ZFAND3: variants seen among roughly 807,000 people sequenced by gnomAD.
ZFAND3 encodes zinc finger AN1-type containing 3, also known as AN1-type zinc finger protein 3.
ZFAND3 carries 10 observed loss-of-function variants against 29.6 expected under a neutral mutation model. The observed-to-expected ratio is 0.34, with a 90% confidence interval of 0.21 to 0.57. ZFAND3 has a LOEUF of 0.57. Among genes scored for constraint, ZFAND3 ranks in the 20% least tolerant of loss-of-function variants. ZFAND3 has a pLI of 0.86. For missense variants in ZFAND3, 230 were observed against 304.5 expected (o/e 0.76, Z 1.82); for synonymous variants, 128 against 112.6 (o/e 1.14, Z -0.87).
chr6:37,965,384 A>G (rs949028158), intron 2 of ZFAND3, among the ~76,000 whole-genome samples: 1 of 152,176 alleles, frequency 6.6e-6, no homozygotes, highest in Non-Finnish European at 1.5e-5. Context: ...GGATGTCAGA[A>G]TATATATGCG....
intron 2 of ZFAND3, among the ~76,000 whole-genome samples, chr6:38,031,567 G>T (rs1323524696): frequency 2.0e-5 from 3 of 152,128 alleles, no homozygotes; most frequent in South Asian, 4.1e-4. Flanking sequence ...AGACTTTGGA[G>T]TCCAGTAGAC....
At position 37,881,039 on chromosome 6, in the gene ZFAND3, G is replaced by A. The variant is rs77088926; in HGVS notation, c.72-48920G>A. On this transcript the variant is annotated intron_variant, in intron 1 of 5. Transcript: ENST00000287218. ...AAAAAAAAAATACTCTTCAAGGGAA[G>A]GCTGATTATGATAGTCTTTATTTTT... 2.0e-4 allele frequency among the ~76,000 whole-genome samples: 30 copies of A among 151,886 alleles called. No individual in the cohort carries two copies. The East Asian group carries it at 5.6e-3, about 28-fold the overall frequency.
At chr6:37,915,127 C>CT (rs1316427228) in intron 1 of ZFAND3, among the ~76,000 whole-genome samples, 6 of 151,968 alleles carry the variant, frequency 3.9e-5, no homozygotes, top group Non-Finnish European at 8.8e-5. Context: ...GAGATGGCTT[C>CT]TTTTTTTTAA....
At chr6:37,973,756 ATTG>A (rs1762430181) in intron 2 of ZFAND3, among the ~76,000 whole-genome samples, 1 of 152,232 alleles carries the variant, frequency 6.6e-6, no homozygotes, top group African/African-American at 2.4e-5. Context: ...GGAGTCAGAA[ATTG>A]TTGTGACTTT....
chr6:37,932,561 C>T (rs1390060482), intron 2 of ZFAND3, among the ~76,000 whole-genome samples: 2 of 152,166 alleles, frequency 1.3e-5, no homozygotes, highest in Non-Finnish European at 2.9e-5. Flanking sequence ...CACATGGAGA[C>T]CCCATTGTAA....
intron 2 of ZFAND3, among the ~76,000 whole-genome samples, chr6:38,017,644 A>G (rs1338681642): frequency 2.0e-5 from 3 of 152,034 alleles, no homozygotes; most frequent in Non-Finnish European, 4.4e-5. Flanking sequence ...AAAAGTTGGG[A>G]TAGAGGAGAG....
chr6:38,129,841 TC>T (rs559056184), intron 5 of ZFAND3, among the ~76,000 whole-genome samples: 16 of 152,022 alleles, frequency 1.1e-4, no homozygotes, highest in Admixed American at 3.3e-4. Context: ...GATTGTTTTT[TC>T]TAGTTCTGTG....
chr6:37,870,279 A>C (rs1008264975), intron 1 of ZFAND3, among the ~76,000 whole-genome samples: 10 of 123,584 alleles, frequency 8.1e-5, no homozygotes, highest in Non-Finnish European at 1.4e-4. Context: ...TGGGCGACAG[A>C]GCGAGACTGT....
At chr6:38,033,719 A>G (rs1023173502) in intron 2 of ZFAND3, among the ~76,000 whole-genome samples, 2 of 152,124 alleles carry the variant, frequency 1.3e-5, no homozygotes, top group African/African-American at 2.4e-5. Context: ...CTTGAATTGA[A>G]ACTCCTTCTA....
chr6:38,089,010 T>C (rs990379512), intron 4 of ZFAND3, among the ~76,000 whole-genome samples: 2 of 152,232 alleles, frequency 1.3e-5, no homozygotes, highest in African/African-American at 4.8e-5. Flanking sequence ...GTCACCTGTT[T>C]TCCTTTCAGT....
chr6:38,017,496 C>A (rs1196898512), intron 2 of ZFAND3, among the ~76,000 whole-genome samples: 1 of 152,172 alleles, frequency 6.6e-6, no homozygotes, highest in Non-Finnish European at 1.5e-5. Context: ...CTGCTTAGTT[C>A]CACCAAACCC....
intron 2 of ZFAND3, among the ~76,000 whole-genome samples, chr6:38,021,897 A>G (rs897229957): frequency 1.3e-5 from 2 of 152,210 alleles, no homozygotes; most frequent in Non-Finnish European, 2.9e-5. Flanking sequence ...TGACAGAGAA[A>G]GAATGGCTTA....
intron 4 of ZFAND3, among the ~76,000 whole-genome samples, chr6:38,095,059 A>G (rs904785521): frequency 1.3e-4 from 20 of 152,214 alleles, no homozygotes; most frequent in African/African-American, 3.6e-4. Flanking sequence ...ATGTATGTTC[A>G]TAGGTTGTTC....
At chr6:37,930,024 A>G in intron 2 of ZFAND3, 25 bp downstream of exon 2, 1 of 1,549,084 alleles carries the variant, frequency 6.5e-7, no homozygotes, top group Non-Finnish European at 8.7e-7. Flanking sequence ...AGGGTTTTTT[A>G]ATTTACTTTC....
chr6:38,004,386 T>C (rs1296532097), intron 2 of ZFAND3, among the ~76,000 whole-genome samples: 1 of 152,172 alleles, frequency 6.6e-6, no homozygotes, highest in Non-Finnish European at 1.5e-5. Flanking sequence ...GCAGGATTTT[T>C]ATTTCTTTTA....
intron 4 of ZFAND3, among the ~76,000 whole-genome samples, chr6:38,085,426 A>G (rs1764738528): frequency 6.6e-6 from 1 of 152,186 alleles, no homozygotes; most frequent in East Asian, 1.9e-4. Context: ...GAACAAGGAT[A>G]CTGAGATTAG....
chr6:37,941,616 T>C (rs1761812173), intron 2 of ZFAND3, among the ~76,000 whole-genome samples: 1 of 152,242 alleles, frequency 6.6e-6, no homozygotes, highest in East Asian at 1.9e-4. Context: ...ACCATTTCTA[T>C]TTAGTCTCCT....
intron 2 of ZFAND3, among the ~76,000 whole-genome samples, chr6:37,995,114 G>C (rs569778744): frequency 2.6e-5 from 4 of 152,158 alleles, no homozygotes; most frequent in African/African-American, 9.7e-5. Flanking sequence ...GAGAACCTGC[G>C]TGAGCATATT....
At chr6:38,091,024 G>A (rs1338651938) in intron 4 of ZFAND3, among the ~76,000 whole-genome samples, 1 of 152,190 alleles carries the variant, frequency 6.6e-6, no homozygotes, top group African/African-American at 2.4e-5. Context: ...CTTTACTCAG[G>A]AGAAGCAGGG....
Sources: allele counts gnomAD v4.1 joint callset (sites outside exome capture counted in the v4.1 genomes callset), GRCh38; gene constraint gnomAD v4.1.1; transcripts MANE v1.5; gene names NCBI Gene and HGNC (gene_info 2026-07-23, HGNC 2026-07-21).